PYCR2: variants seen among roughly 807,000 people sequenced by gnomAD.
PYCR2 encodes the protein pyrroline-5-carboxylate reductase 2, also known as P5C reductase 2.
A neutral mutation model predicts 23.4 loss-of-function variants in PYCR2; 17 were observed. That is an observed-to-expected ratio of 0.73 (90% CI 0.50 to 1.09). The LOEUF (loss-of-function observed/expected upper bound fraction) is 1.09, where lower values mean the gene tolerates loss of function less well. Ranked by LOEUF, PYCR2 falls within the 50% of genes least tolerant of loss-of-function variation. The pLI, the probability that PYCR2 is intolerant of heterozygous loss-of-function variation, is 0.00. For missense variants in PYCR2, 380 were observed against 423.5 expected (o/e 0.90, Z 0.90); for synonymous variants, 172 against 176.6 (o/e 0.97, Z 0.21).
At position 225,924,199 on chromosome 1, in the gene PYCR2, G is replaced by T; in HGVS notation, c.-89C>A. On this transcript the variant is annotated 5_prime_UTR_variant, in exon 1 of 7. Transcript: ENST00000343818. ...CTAGGGGAAGGGCGGACAGCGCAGG[G>T]GCGAACGGGCGGCGTGCCGAGGACC... The T allele has an allele frequency of 7.1e-7, 1 of 1,398,640 alleles. No homozygotes were observed. The highest frequency in any genetic ancestry group is 9.5e-7 in the Non-Finnish European group (1 of 1,050,542). The allele number at this position is 1,398,640 out of a possible 1,614,324, so 86.6% of individuals were successfully genotyped here.
chr1:225,923,039 A>G (rs986042296), intron 2 of PYCR2: 3 of 975,560 alleles, frequency 3.1e-6, no homozygotes, highest in Non-Finnish European at 3.7e-6. Flanking sequence ...ACTCAGAATA[A>G]CAGCAAAGTG....
rs745824721 is a variant in PYCR2, at chr1:225,921,608, C to T, written c.577G>A (p.Val193Met). Reference sequence around the variant, plus strand: ...AGGCGCCGTGGCAAACCCATCTTCACCCCACCATCAGCCAATGCGTCCAGA... The same window carrying T: ...AGGCGCCGTGGCAAACCCATCTTCATCCCACCATCAGCCAATGCGTCCAGA... ...MALDALADGGVKMGLPRRLAI... is the reference protein window; with the variant it reads ...MALDALADGGMKMGLPRRLAI... Residue 193 changes from valine to methionine, a missense_variant, in exon 5 of 7, where the codon GTG becomes ATG. Val to Met is a conservative substitution (Grantham distance 21). Transcript: ENST00000343818. The surrounding 1 kb of genome is among the most constrained non-coding windows in gnomAD (Gnocchi z 4.2). 1.2e-6 allele frequency: 2 copies of T among 1,614,226 alleles called. No individual in the cohort carries two copies. Among genetic ancestry groups the T allele is most frequent in the Admixed American group, 3.3e-5 (2 of 60,024 alleles).
rs754954666 is a variant in PYCR2, at chr1:225,920,415, C to T, written c.*40G>A. The T allele has an allele frequency of 2.1e-6, 3 of 1,409,288 alleles. No individual in the cohort carries two copies. The highest frequency in any genetic ancestry group is 2.9e-6 in the Non-Finnish European group (3 of 1,044,396). 87.3% of individuals were successfully genotyped at this position (1,409,288 alleles called of 1,614,324 possible). Reference sequence around the variant, plus strand: ...GGGTGGCAGGGGCGGCAGGGGCTCTCAACTAAGGGCTCTGAATCACAGAGG... The same window carrying T: ...GGGTGGCAGGGGCGGCAGGGGCTCTTAACTAAGGGCTCTGAATCACAGAGG... On this transcript the variant is annotated 3_prime_UTR_variant, in exon 7 of 7. Transcript: ENST00000343818.
Position 225,924,119 on chromosome 1 carries a change from G to T in PYCR2, c.-9C>A. The T allele has an allele frequency of 6.5e-7, 1 of 1,541,380 alleles. No individual in the cohort carries two copies. The highest frequency in any genetic ancestry group is 1.2e-5 in the South Asian group (1 of 84,128). The stretch of plus-strand genomic sequence containing the variant: ...ATGAAGCCCACGCTCATGGTCCGCG[G>T]TTCACGCCTCCTGGGAGCCGCACGA... On this transcript the variant is annotated 5_prime_UTR_variant, in exon 1 of 7. Coordinates refer to ENST00000343818, the MANE Select transcript of PYCR2 (RefSeq NM_013328.4).
chr1:225,921,471 C>G lies in PYCR2; in HGVS notation c.633+81G>C. On this transcript the variant is annotated intron_variant, in intron 5 of 6. Coordinates refer to ENST00000343818, the MANE Select transcript of PYCR2 (RefSeq NM_013328.4). This position sits in a 1 kb window ranked among gnomAD's most constrained non-coding sequence, Gnocchi z 4.2. ...CCAACTGCTACCCCAGCTTCCCAAC[C>G]AACTCCCACCTCAGTTCAGTGATGC... The G allele has an allele frequency of 6.3e-7, 1 of 1,574,948 alleles. No homozygotes were observed. Among genetic ancestry groups the G allele is most frequent in the Non-Finnish European group, 8.7e-7 (1 of 1,147,284 alleles).
intron 1 of PYCR2, 101 bp from the exon 2 acceptor site, chr1:225,923,872 C>A: frequency 6.5e-7 from 1 of 1,538,492 alleles, no homozygotes; most frequent in Non-Finnish European, 8.8e-7. Context: ...TGCCAGTCTC[C>A]CTCTCCCCCT....
chr1:225,921,971 C>G lies in PYCR2; in HGVS notation c.427G>C (p.Val143Leu). ...TGCTCCAGGAGCTGCCCATCCTCCA[C>G]CAGGGCATGGGTGCCCGTGGCGTAC... ...TVYATGTHAL[V>L]EDGQLLEQLM... is the part of the protein sequence containing the mutation. The change falls in exon 4 of 7, where the codon GTG (valine) becomes CTG (leucine). Residue 143 changes from valine to leucine, a missense_variant. By Grantham distance (32) the Val-to-Leu change is conservative. Coordinates refer to ENST00000343818, the MANE Select transcript of PYCR2 (RefSeq NM_013328.4). The surrounding 1 kb of genome is among the most constrained non-coding windows in gnomAD (Gnocchi z 4.2). The G allele has an allele frequency of 1.2e-6, 2 of 1,614,162 alleles. No homozygotes were observed. Among genetic ancestry groups the G allele is most frequent in the East Asian group, 4.5e-5 (2 of 44,892 alleles).
chr1:225,920,482 GCTT>G lies in PYCR2; in HGVS notation c.933_935del (p.Arg311del), dbSNP rs908126155. The G allele has an allele frequency of 2.7e-6, 4 of 1,476,454 alleles. No individual in the cohort carries two copies. The highest frequency in any genetic ancestry group is 2.8e-6 in the Non-Finnish European group (3 of 1,081,778). The allele number at this position is 1,476,454 out of a possible 1,614,324, so 91.5% of individuals were successfully genotyped here. On this transcript the variant is annotated inframe_deletion, in exon 7 of 7. Coordinates refer to ENST00000343818, the MANE Select transcript of PYCR2 (RefSeq NM_013328.4). ...AGTCCTTCTTGCCTCCCAGGGCCAG[GCTT>G]CTTGTGAGGAGCTTCCCTGGGCTGG...
rs74150559 is a variant in PYCR2 at position 225,922,104 on chromosome 1, G to T, written c.319-25C>A. On this transcript the variant is annotated intron_variant, in intron 3 of 6. Transcript: ENST00000343818. ...TCTAGGGTGAGGGAGAGAGCCGAAT[G>T]AGTGGCCAGGGCACGGCTCCCACCA... 11,304 of 1,610,328 alleles carry T rather than the reference G, an allele frequency of 7.0e-3. 695 individuals carry two copies. In the African/African-American group the frequency reaches 0.13, roughly 19 times the overall value.
intron 2 of PYCR2, 105 bp downstream of exon 2, chr1:225,923,596 C>A (rs1671908947): frequency 1.3e-6 from 2 of 1,588,902 alleles, no homozygotes; most frequent in African/African-American, 1.3e-5. Context: ...TCACCGCCGG[C>A]CAAAGACCAG....
At chr1:225,923,868 T>C in intron 1 of PYCR2, 97 bp from the exon 2 acceptor site, 3 of 1,547,002 alleles carry the variant, frequency 1.9e-6, no homozygotes, top group Non-Finnish European at 2.6e-6. Flanking sequence ...ACAGTGCCAG[T>C]CTCCCTCTCC....
chr1:225,922,090 G>T lies in PYCR2; in HGVS notation c.319-11C>A, dbSNP rs1378128393. On this transcript the variant is annotated splice_polypyrimidine_tract_variant and intron_variant, in intron 3 of 6. Coordinates refer to ENST00000343818, the MANE Select transcript of PYCR2 (RefSeq NM_013328.4). ...GAATGCCATCAGCTTCTAGGGTGAG[G>T]GAGAGAGCCGAATGAGTGGCCAGGG... is the stretch of plus-strand genomic sequence containing the variant. 1.6e-5 allele frequency: 26 copies of T among 1,611,986 alleles called. No homozygotes were observed. Among genetic ancestry groups the T allele is most frequent in the Middle Eastern group, 1.6e-4 (1 of 6,082 alleles).
rs1475343482 is a variant in PYCR2, at chr1:225,923,777, G to C, written c.68-6C>G. 1 of 1,614,144 alleles carries C rather than the reference G, an allele frequency of 6.2e-7. No homozygotes were observed. The highest frequency in any genetic ancestry group is 8.5e-7 in the Non-Finnish European group (1 of 1,180,028). On this transcript the variant is annotated splice_polypyrimidine_tract_variant and splice_region_variant and intron_variant, in intron 1 of 6. Coordinates refer to ENST00000343818, the MANE Select transcript of PYCR2 (RefSeq NM_013328.4). Reference sequence around the variant, plus strand: ...CTTGTGAGCCGACAGGATGCCTGCAGAAGACAGAGCTTTTCAACTAGGGGT... The same window carrying C: ...CTTGTGAGCCGACAGGATGCCTGCACAAGACAGAGCTTTTCAACTAGGGGT...
Position 225,921,384 on chromosome 1 carries a change from G to C in PYCR2, c.634-13C>G, listed in dbSNP as rs753682075. On this transcript the variant is annotated splice_polypyrimidine_tract_variant and intron_variant, in intron 5 of 6. Coordinates refer to ENST00000343818, the MANE Select transcript of PYCR2 (RefSeq NM_013328.4). The surrounding 1 kb of genome is among the most constrained non-coding windows in gnomAD (Gnocchi z 4.2). ...TCTTGGCAGCTCCCTATGGGGAAGG[G>C]CACATTAGGAGAAAGTTGCTGGTGT... 2.6e-6 allele frequency: 4 copies of C among 1,533,434 alleles called. No homozygotes were observed. The Admixed American group carries it at 5.1e-5, about 19-fold the overall frequency. The allele number at this position is 1,533,434 out of a possible 1,614,324, so 95.0% of individuals were successfully genotyped here. A position where few individuals can be genotyped will look rare whatever the true frequency, so the allele number is the denominator to read the frequency against.
intron 1 of PYCR2, 81 bp from the exon 2 acceptor site, chr1:225,923,852 G>A: frequency 1.9e-6 from 3 of 1,578,670 alleles, no homozygotes; most frequent in Non-Finnish European, 2.6e-6. Context: ...ACCCAGAGCC[G>A]TCCTAACAGT....
rs763955978 is a variant in PYCR2 at position 225,922,127 on chromosome 1, C to T, written c.319-48G>A. The T allele has an allele frequency of 1.9e-5, 30 of 1,607,076 alleles. No homozygotes were observed. In the South Asian group the frequency reaches 3.2e-4, roughly 17 times the overall value. ...ATGAGTGGCCAGGGCACGGCTCCCA[C>T]CAGCACCCACCCATTAGCTGCCATT... On this transcript the variant is annotated intron_variant, in intron 3 of 6. Transcript: ENST00000343818.
chr1:225,921,572 G>C lies in PYCR2; in HGVS notation c.613C>G (p.Leu205Val). 6.2e-7 allele frequency: 1 copy of C among 1,614,218 alleles called. No individual in the cohort carries two copies. The highest frequency in any genetic ancestry group is 8.5e-7 in the Non-Finnish European group (1 of 1,180,038). ...MGLPRRLAIQLGAQALLGAAK... is the reference protein window; with the variant it reads ...MGLPRRLAIQVGAQALLGAAK... ...CTGACCAGCAAAGCCTGGGCCCCGA[G>C]TTGGATTGCCAGGCGCCGTGGCAAA... The change falls in exon 5 of 7, where the codon CTC becomes GTC. Residue 205 changes from leucine to valine, a missense_variant. Transcript: ENST00000343818. This position sits in a 1 kb window ranked among gnomAD's most constrained non-coding sequence, Gnocchi z 4.2.
In PYCR2 at chr1:225,920,595, C is replaced by T. The variant is rs751550822; in HGVS notation, c.823G>A (p.Glu275Lys). The change falls in exon 7 of 7, where the codon GAA (glutamate) becomes AAA (lysine). Residue 275 changes from glutamate to lysine, a missense_variant. Glu to Lys is a moderately conservative substitution (Grantham distance 56). Coordinates refer to ENST00000343818, the MANE Select transcript of PYCR2 (RefSeq NM_013328.4). ...TRELQSMADQ[E>K]KISPAALKKT... is the part of the protein sequence containing the mutation. The stretch of plus-strand genomic sequence containing the variant: ...TTAAGGGCAGCTGGGGAGATCTTTT[C>T]TTGGTCGGCCATGGACTGTAGCTCT... 2.5e-6 allele frequency: 4 copies of T among 1,613,640 alleles called. No homozygotes were observed. Among genetic ancestry groups the T allele is most frequent in the Non-Finnish European group, 3.4e-6 (4 of 1,179,758 alleles).
Position 225,921,350 on chromosome 1 carries a change from C to T in PYCR2, c.655G>A (p.Asp219Asn). Residue 219 changes from aspartate to asparagine, a missense_variant, in exon 6 of 7, where the codon GAC becomes AAC. By Grantham distance (23) the Asp-to-Asn change is conservative. Transcript: ENST00000343818. This position sits in a 1 kb window ranked among gnomAD's most constrained non-coding sequence, Gnocchi z 4.2. ...AGCTGGCATGGATGCTGCTCCGAGTCCAGCAGCATCTTGGCAGCTCCCTAT... is the reference window on the plus strand; with the variant it reads ...AGCTGGCATGGATGCTGCTCCGAGTTCAGCAGCATCTTGGCAGCTCCCTAT... ...ALLGAAKMLL[D>N]SEQHPCQLKD... is the part of the protein sequence containing the mutation. The T allele has an allele frequency of 6.5e-7, 1 of 1,549,580 alleles. No homozygotes were observed. Among genetic ancestry groups the T allele is most frequent in the Non-Finnish European group, 8.9e-7 (1 of 1,121,866 alleles).
Sources: allele counts gnomAD v4.1 joint callset, GRCh38; gene constraint gnomAD v4.1.1; non-coding constraint Gnocchi (gnomAD v3.1); transcripts MANE v1.5; gene names NCBI Gene and HGNC (gene_info 2026-07-23, HGNC 2026-07-21).